Variants in DHRS7C observed in about 807,000 individuals in gnomAD.
DHRS7C encodes the protein dehydrogenase/reductase SDR family member 7C.
In DHRS7C, 28 loss-of-function variants were observed where a neutral mutation model predicts 29.6. The ratio of observed to expected loss-of-function variants is 0.95; its 90% CI spans 0.70 to 1.30. The LOEUF is 1.30. Among genes scored for constraint, DHRS7C ranks in the 50% most tolerant of loss-of-function variants. The pLI, the probability that DHRS7C is intolerant of heterozygous loss-of-function variation, is 0.00. For missense variants in DHRS7C, 403 were observed against 393.3 expected (o/e 1.02, Z -0.21); for synonymous variants, 158 against 160.2 (o/e 0.99, Z 0.10).
chr17:9,789,840 T>C (rs2066444920), intron 1 of DHRS7C, among the ~76,000 whole-genome samples: 1 of 152,184 alleles, frequency 6.6e-6, no homozygotes, highest in African/African-American at 2.4e-5. Flanking sequence ...CTGGTCTGAT[T>C]GACAGATGTG....
At chr17:9,782,086 C>T (rs960812733) in intron 1 of DHRS7C, among the ~76,000 whole-genome samples, 4 of 152,140 alleles carry the variant, frequency 2.6e-5, no homozygotes. Context: ...TGGACTGATT[C>T]CTGACTCACC....
In DHRS7C at chr17:9,772,828, A is replaced by T. The variant is rs1383207419; in HGVS notation, c.666T>A (p.Thr222=). 8 of 1,613,964 alleles carry T rather than the reference A, an allele frequency of 5.0e-6. No homozygotes were observed. Among genetic ancestry groups the T allele is most frequent in the African/African-American group, 4.0e-5 (3 of 75,022 alleles). ...GATACACGTGGTACGACCGGATGAA[A>T]GTCGGGCTCACGGTGCTGATGACAA... ...YDVVISTVSP[T]FIRSYHVYPE... is the part of the protein sequence containing the mutation. The change falls in exon 5 of 6, where the codon ACT becomes ACA. Residue 222 remains threonine (T), a synonymous_variant. Coordinates refer to ENST00000571134, the MANE Select transcript of DHRS7C (RefSeq NM_001105571.3).
chr17:9,773,062 CT>C, intron 4 of DHRS7C, 140 bp from the exon 5 acceptor site: 3 of 1,073,456 alleles, frequency 2.8e-6, no homozygotes, highest in Non-Finnish European at 3.9e-6. Flanking sequence ...CTGCCCCTCA[CT>C]TTACAAATGA....
chr17:9,783,470 T>G (rs760014687), intron 1 of DHRS7C, among the ~76,000 whole-genome samples: 3 of 152,176 alleles, frequency 2.0e-5, no homozygotes, highest in Non-Finnish European at 4.4e-5. Context: ...TTTGCACACT[T>G]TAATTGGAAT....
At chr17:9,783,018 T>A (rs1047929387) in intron 1 of DHRS7C, 2 of 152,234 alleles carry the variant, frequency 1.3e-5, no homozygotes, top group Non-Finnish European at 1.5e-5. Context: ...AACTGTGGTA[T>A]TGGAGAGATG....
rs187718221 is a variant in DHRS7C, at chr17:9,779,909, T to A, written c.394A>T (p.Lys132Ter). ...ILINNASVKV[K>*]GPAHKISLEL... is the part of the protein sequence containing the mutation. ...AGAGAAATCTTATGGGCAGGCCCCT[T>A]CACCTTCACACTGGCATTGTTGATG... Residue 132 changes from lysine to a stop codon, truncating the protein, a stop_gained, in exon 3 of 6, where the codon AAG becomes TAG. Transcript: ENST00000571134. LOFTEE classifies it high-confidence loss of function. The A allele has an allele frequency of 6.2e-7, 1 of 1,613,918 alleles. No homozygotes were observed. The highest frequency in any genetic ancestry group is 2.2e-5 in the East Asian group (1 of 44,872).
At chr17:9,777,474 G>A (rs1235730089) in intron 3 of DHRS7C, among the ~76,000 whole-genome samples, 189 bp from the exon 4 acceptor site, 1 of 151,864 alleles carries the variant, frequency 6.6e-6, no homozygotes, top group Non-Finnish European at 1.5e-5. Flanking sequence ...GTGGGCTGGC[G>A]AGTTGCTGGG....
chr17:9,780,001 G>C lies in DHRS7C; in HGVS notation c.302C>G (p.Ser101Ter), dbSNP rs759248222. The C allele has an allele frequency of 2.5e-6, 4 of 1,613,896 alleles. No homozygotes were observed. The Admixed American group carries it at 5.0e-5, about 20-fold the overall frequency. The change falls in exon 3 of 6, where the codon TCA becomes TGA. Residue 101 changes from serine (S) to a stop codon, truncating the protein, a stop_gained. Coordinates refer to ENST00000571134, the MANE Select transcript of DHRS7C (RefSeq NM_001105571.3). LOFTEE classifies it high-confidence loss of function. ...CACATCTGGGACACAGCTGATGTCT[G>C]AGAGGTCCAACAGGACCAGCTTTGG... ...FTPKLVLLDL[S>*]DISCVPDVAK...
chr17:9,788,269 T>C (rs991650134), intron 1 of DHRS7C, among the ~76,000 whole-genome samples: 2 of 152,180 alleles, frequency 1.3e-5, no homozygotes, highest in African/African-American at 4.8e-5. Flanking sequence ...TGCAGTGGCA[T>C]GATCTCGGCT....
At chr17:9,776,227 G>A (rs150260697) in intron 4 of DHRS7C, among the ~76,000 whole-genome samples, 147 of 152,116 alleles carry the variant, frequency 9.7e-4, no homozygotes, top group African/African-American at 3.4e-3. Context: ...AAAAGAAGAG[G>A]AAATTTGGAC....
At position 9,771,594 on chromosome 17, in the gene DHRS7C, G is replaced by T; in HGVS notation, c.830C>A (p.Pro277His). 1 of 1,599,240 alleles carries T rather than the reference G, an allele frequency of 6.3e-7. No homozygotes were observed. The highest frequency in any genetic ancestry group is 8.5e-7 in the Non-Finnish European group (1 of 1,172,088). ...GACGTACACGGCGGCCTTGGGGATG[G>T]GGTTGGCCATAAACACCTCTTGCTT... ...RKKQEVFMAN[P>H]IPKAAVYVRT... The change falls in exon 6 of 6, where the codon CCC becomes CAC. Residue 277 changes from proline (P) to histidine (H), a missense_variant. Transcript: ENST00000571134.
At chr17:9,785,507 T>C (rs1393677240) in intron 1 of DHRS7C, among the ~76,000 whole-genome samples, 1 of 152,228 alleles carries the variant, frequency 6.6e-6, no homozygotes, top group South Asian at 2.1e-4. Context: ...CATGAGTTGG[T>C]TGAGAGCTCG....
chr17:9,790,053 A>G (rs2066446104), intron 1 of DHRS7C, among the ~76,000 whole-genome samples: 2 of 152,180 alleles, frequency 1.3e-5, no homozygotes, highest in East Asian at 1.9e-4. Context: ...GCCATCCTCA[A>G]AGCGTGCAGA....
Position 9,781,591 on chromosome 17 carries a change from C to A in DHRS7C, c.158G>T (p.Cys53Phe). ...CCCACCTGTGTGGAACACCCGAGCACACTCTGTGGGGAAGAAGGAAACAGG... is the reference window on the plus strand; with the variant it reads ...CCCACCTGTGTGGAACACCCGAGCAAACTCTGTGGGGAAGAAGGAAACAGG... ...TDAISGLGKECARVFHTGGAR... is the reference protein window; with the variant it reads ...TDAISGLGKEFARVFHTGGAR... The change falls in exon 2 of 6, where the codon TGT becomes TTT. Residue 53 changes from cysteine to phenylalanine, a missense_variant. Transcript: ENST00000571134. 2.5e-6 allele frequency: 4 copies of A among 1,613,694 alleles called. No individual in the cohort carries two copies. Among genetic ancestry groups the A allele is most frequent in the South Asian group, 1.1e-5 (1 of 91,072 alleles).
Position 9,781,568 on chromosome 17 carries a change from C to A in DHRS7C, c.181G>T (p.Gly61Trp), listed in dbSNP as rs760388322. ...KECARVFHTG[G>W]ARLVLCGKNW... Reference sequence around the variant, plus strand: ...TTTCCACACAGCACCAGCCTTGCCCCACCTGTGTGGAACACCCGAGCACAC... The same window carrying A: ...TTTCCACACAGCACCAGCCTTGCCCAACCTGTGTGGAACACCCGAGCACAC... Residue 61 changes from glycine (G) to tryptophan (W), a missense_variant, in exon 2 of 6, where the codon GGG (glycine) becomes TGG (tryptophan). Physicochemically the swap from Gly to Trp is radical, Grantham distance 184. Transcript: ENST00000571134. 6 of 1,613,842 alleles carry A rather than the reference C, an allele frequency of 3.7e-6. No homozygotes were observed. The highest frequency in any genetic ancestry group is 1.3e-5 in the African/African-American group (1 of 74,936).
chr17:9,773,012 C>T (rs1050040171), intron 4 of DHRS7C, 90 bp from the exon 5 acceptor site: 5 of 1,478,612 alleles, frequency 3.4e-6, no homozygotes, highest in South Asian at 1.2e-5. Context: ...CCGACAGACA[C>T]ATTTCCTACA....
intron 1 of DHRS7C, among the ~76,000 whole-genome samples, chr17:9,782,761 A>G (rs140861139): frequency 9.5e-4 from 144 of 152,366 alleles, no homozygotes; most frequent in African/African-American, 3.3e-3. Context: ...ACTGCAGGGA[A>G]GAACCTATCA....
intron 1 of DHRS7C, among the ~76,000 whole-genome samples, chr17:9,786,890 G>A (rs946716909): frequency 3.5e-4 from 53 of 152,126 alleles, no homozygotes; most frequent in African/African-American, 1.3e-3. Flanking sequence ...TGCTGAGAAA[G>A]GGACACGTTG....
At chr17:9,782,019 G>A (rs1186793905) in intron 1 of DHRS7C, among the ~76,000 whole-genome samples, 1 of 152,126 alleles carries the variant, frequency 6.6e-6, no homozygotes, top group Non-Finnish European at 1.5e-5. Context: ...AGACACCTCA[G>A]CCAGGGTTCT....
Sources: gnomAD v4.1 joint callset for allele counts (sites outside exome capture counted in the v4.1 genomes callset) on GRCh38, gnomAD v4.1.1 for gene constraint, MANE v1.5 for transcripts, NCBI Gene and HGNC (gene_info 2026-07-23, HGNC 2026-07-21) for gene names.